The following TJP1 variants were observed in gnomAD, a reference collection of about 807,000 sequenced individuals.
The protein encoded by TJP1 is tight junction protein 1.
A neutral mutation model predicts 194.2 loss-of-function variants in TJP1; 43 were observed. The observed-to-expected ratio is 0.22, with a 90% CI of 0.17 to 0.29. The LOEUF is 0.29. TJP1 is among the 10% of genes least tolerant of loss of function. The probability of loss-of-function intolerance (pLI) is 1.00; values close to 1 mark genes in which losing one functional copy is unlikely to be tolerated. For missense variants in TJP1, 1,971 were observed against 2,185.7 expected (o/e 0.90, Z 1.96); for synonymous variants, 801 against 779.0 (o/e 1.03, Z -0.47).
At position 29,906,637 on chromosome 15, in the gene TJP1, T is replaced by C. The variant is rs185937915; in HGVS notation, c.306+49595A>G. Among the ~76,000 whole-genome samples, 333 of 151,968 alleles carry C rather than the reference T, an allele frequency of 2.2e-3. 2 individuals are homozygous for C. The highest frequency in any genetic ancestry group is 7.6e-3 in the African/African-American group (317 of 41,464). On this transcript the variant is annotated intron_variant, in intron 2 of 28. Coordinates refer to the TJP1 transcript ENST00000356107. ...CTCTGTCACCCAGGCTGGAGTGCAG[T>C]GGTGCAATCTCAGCTCACTCCAACC...
chr15:29,722,550 C>T (rs1212411631), intron 18 of TJP1, among the ~76,000 whole-genome samples: 1 of 152,210 alleles, frequency 6.6e-6, no homozygotes, highest in Non-Finnish European at 1.5e-5. Context: ...CAGAAGTCTG[C>T]TGCAGGAGCG....
At chr15:29,841,832 C>T (rs1280537291) in intron 2 of TJP1, among the ~76,000 whole-genome samples, 1 of 151,956 alleles carries the variant, frequency 6.6e-6, no homozygotes, top group African/African-American at 2.4e-5. Flanking sequence ...TGAGAAGCAT[C>T]GAATTAGAGT....
chr15:29,901,955 C>T (rs1167186814), intron 2 of TJP1, among the ~76,000 whole-genome samples: 1 of 151,958 alleles, frequency 6.6e-6, no homozygotes. Flanking sequence ...TCTGCATTTG[C>T]TTTTATTTTC....
intron 20 of TJP1, 146 bp downstream of exon 20, chr15:29,719,631 G>A: frequency 9.3e-7 from 1 of 1,070,884 alleles, no homozygotes. Flanking sequence ...CTACGAAACT[G>A]AAATGATTTG....
At position 29,719,798 on chromosome 15, in the gene TJP1, C is replaced by T. The variant is rs780563109; in HGVS notation, c.2982G>A (p.Ser994=). The T allele has an allele frequency of 2.4e-5, 38 of 1,613,624 alleles. No homozygotes were observed. The highest frequency in any genetic ancestry group is 1.6e-4 in the Middle Eastern group (1 of 6,082). The change falls in exon 20 of 28, where the codon TCG becomes TCA. Residue 994 remains serine, a synonymous_variant. Coordinates refer to ENST00000614355, the MANE Select transcript of TJP1 (RefSeq NM_001330239.4). ...GTACCTTTGTTGGATCTACATGCGA[C>T]GACAATGATGGTTCTTGATCTCTTA... The part of the protein sequence containing the change: ...IMLRDQEPSL[S]SHVDPTKVYR...
intron 1 of TJP1, among the ~76,000 whole-genome samples, chr15:29,963,362 G>A (rs1393777053): frequency 6.6e-6 from 1 of 152,092 alleles, no homozygotes; most frequent in African/African-American, 2.4e-5. Flanking sequence ...AATTGTATGA[G>A]TCTGAGCAAG....
At chr15:29,812,185 G>T (rs746092839) in intron 1 of TJP1, among the ~76,000 whole-genome samples, 1 of 152,190 alleles carries the variant, frequency 6.6e-6, no homozygotes, top group Non-Finnish European at 1.5e-5. Context: ...GAGTTGCTCG[G>T]TGATAATCTT....
chr15:29,885,331 C>G (rs1362877398), intron 2 of TJP1, among the ~76,000 whole-genome samples: 1 of 152,202 alleles, frequency 6.6e-6, no homozygotes, highest in Non-Finnish European at 1.5e-5. Context: ...AGCCAGTGTT[C>G]CTACCACTGC....
intron 2 of TJP1, among the ~76,000 whole-genome samples, chr15:29,905,836 T>C (rs1334854976): frequency 6.6e-6 from 1 of 152,176 alleles, no homozygotes; most frequent in African/African-American, 2.4e-5. Context: ...CTGTGAAGAT[T>C]AGTGGTTGCC....
chr15:29,798,879 G>C (rs1034019044), intron 2 of TJP1, among the ~76,000 whole-genome samples: 4 of 152,174 alleles, frequency 2.6e-5, no homozygotes, highest in African/African-American at 9.7e-5. Context: ...AATGCATTAG[G>C]CTAAGTGTAA....
chr15:29,951,141 C>T (rs1025295759), intron 2 of TJP1, among the ~76,000 whole-genome samples: 43 of 152,108 alleles, frequency 2.8e-4, no homozygotes, highest in Middle Eastern at 3.4e-3. Flanking sequence ...CAGATATTTC[C>T]TGTTAGTCTG....
At chr15:29,761,412 A>T in intron 7 of TJP1, 126 bp from the exon 8 acceptor site, 2 of 1,319,468 alleles carry the variant, frequency 1.5e-6, no homozygotes, top group Non-Finnish European at 2.1e-6. Flanking sequence ...TTTATGCATT[A>T]ATTTCACCTG....
chr15:29,720,157 A>G (rs949358133), intron 19 of TJP1, 141 bp from the exon 20 acceptor site: 126 of 433,560 alleles, frequency 2.9e-4, no homozygotes, highest in East Asian at 7.6e-4. Flanking sequence ...ACTTTTTGGG[A>G]AAAAAAAAAA....
chr15:29,704,195 A>T lies in TJP1; in HGVS notation c.5179T>A (p.Ser1727Thr). ...GAGTCGGATGATTTTAGAGCAAAAGACCAACCGTCAGGAGTCATGGACGCA... is the reference window on the plus strand; with the variant it reads ...GAGTCGGATGATTTTAGAGCAAAAGTCCAACCGTCAGGAGTCATGGACGCA... ...HCASMTPDGW[S>T]FALKSSDSSS... Residue 1727 changes from serine (S) to threonine (T), a missense_variant, in exon 27 of 28, where the codon TCT (serine) becomes ACT (threonine). Transcript: ENST00000614355. The T allele has an allele frequency of 3.8e-6, 6 of 1,575,064 alleles. No homozygotes were observed. The highest frequency in any genetic ancestry group is 5.2e-6 in the Non-Finnish European group (6 of 1,159,354).
Position 29,705,617 on chromosome 15 carries a change from T to G in TJP1, c.4979A>C (p.Gln1660Pro), listed in dbSNP as rs1269955735. The change falls in exon 26 of 28, where the codon CAA becomes CCA. Residue 1660 changes from glutamine to proline, a missense_variant. Physicochemically the swap from Gln to Pro is moderately conservative, Grantham distance 76. Coordinates refer to ENST00000614355, the MANE Select transcript of TJP1 (RefSeq NM_001330239.4). The part of the protein sequence containing the change: ...IETGVSIIIP[Q>P]GAIPEGVEQE... The stretch of plus-strand genomic sequence containing the variant: ...CTCAACTCCTTCGGGAATGGCTCCT[T>G]GAGGGATAATTATACTAACACCAGT... 12 of 1,614,106 alleles carry G rather than the reference T, an allele frequency of 7.4e-6. No individual in the cohort carries two copies. The highest frequency in any genetic ancestry group is 1.0e-5 in the Non-Finnish European group (12 of 1,180,054).
intron 2 of TJP1, among the ~76,000 whole-genome samples, chr15:29,935,186 C>T (rs898722683): frequency 2.0e-5 from 3 of 151,532 alleles, no homozygotes; most frequent in African/African-American, 7.3e-5. Flanking sequence ...GAACATTTAG[C>T]ATTCAACTCT....
At chr15:29,777,626 T>C (rs934599285) in intron 2 of TJP1, among the ~76,000 whole-genome samples, 1 of 152,158 alleles carries the variant, frequency 6.6e-6, no homozygotes, top group Non-Finnish European at 1.5e-5. Context: ...AGGGAGGCTA[T>C]AGCAAACAGT....
chr15:29,928,771 G>A (rs931865374), intron 2 of TJP1, among the ~76,000 whole-genome samples: 29 of 152,144 alleles, frequency 1.9e-4, no homozygotes, highest in Admixed American at 7.2e-4. Context: ...GTGAAACCCC[G>A]TCTCTACTAA....
chr15:29,865,166 T>C (rs2052257439), intron 2 of TJP1, among the ~76,000 whole-genome samples: 1 of 152,188 alleles, frequency 6.6e-6, no homozygotes, highest in Non-Finnish European at 1.5e-5. Context: ...GAATAGACTG[T>C]TTTTCTTGGT....
Sources: gnomAD v4.1 joint callset for allele counts (sites outside exome capture counted in the v4.1 genomes callset) on GRCh38, gnomAD v4.1.1 for gene constraint, MANE v1.5 for transcripts, NCBI Gene and HGNC (gene_info 2026-07-23, HGNC 2026-07-21) for gene names.